Variants in EMP2 observed in about 807,000 individuals in gnomAD.
EMP2 encodes the protein epithelial membrane protein 2.
In EMP2, 19 loss-of-function variants were observed where a neutral mutation model predicts 13.7. The ratio of observed to expected loss-of-function variants is 1.38; its 90% confidence interval spans 0.97 to 2.03. The LOEUF (loss-of-function observed/expected upper bound fraction) is 2.03, where lower values mean the gene tolerates loss of function less well. Among genes scored for constraint, EMP2 ranks in the 30% most tolerant of loss-of-function variants. EMP2 has a pLI of 0.00. For missense variants in EMP2, 253 were observed against 220.7 expected, an observed-to-expected ratio of 1.15 and a Z score of -0.93; for synonymous variants, 97 against 84.7, an observed-to-expected ratio of 1.15 and a Z score of -0.80.
chr16:10,541,087 C>T (rs1467965058), intron 3 of EMP2, among the ~76,000 whole-genome samples: 1 of 144,604 alleles, frequency 6.9e-6, no homozygotes, highest in Non-Finnish European at 1.5e-5. Context: ...GACCCTGATT[C>T]AAACGGAAAA....
At chr16:10,552,663 C>G (rs1050403438) in intron 1 of EMP2, among the ~76,000 whole-genome samples, 1 of 152,120 alleles carries the variant, frequency 6.6e-6, no homozygotes, top group Admixed American at 6.5e-5. Context: ...GGAAGAAACA[C>G]CACGTATAGC....
Position 10,532,274 on chromosome 16 carries a change from T to C in EMP2, c.*631A>G, listed in dbSNP as rs895930557. ...CACGCAGGTTAAGGATGACCATTCC[T>C]AAGGCAAGCAGGTGACACTGTCGGC... On this transcript the variant is annotated 3_prime_UTR_variant, in exon 5 of 5. Transcript: ENST00000359543. 7 of 154,336 alleles carry C rather than the reference T, an allele frequency of 4.5e-5. No homozygotes were observed. Among genetic ancestry groups the C allele is most frequent in the African/African-American group, 1.7e-4 (7 of 41,458 alleles). 9.6% of individuals were successfully genotyped at this position (154,336 alleles called of 1,614,324 possible).
At chr16:10,575,035 G>A (rs953164238) in intron 1 of EMP2, among the ~76,000 whole-genome samples, 1 of 152,086 alleles carries the variant, frequency 6.6e-6, no homozygotes, top group African/African-American at 2.4e-5. Flanking sequence ...ACAGGTATGT[G>A]CCACCACATC....
intron 1 of EMP2, among the ~76,000 whole-genome samples, chr16:10,567,665 C>T (rs1261674970): frequency 1.3e-5 from 2 of 152,084 alleles, no homozygotes; most frequent in African/African-American, 4.8e-5. Context: ...CCCTAAGACC[C>T]CCTGAGGAAA....
intron 1 of EMP2, among the ~76,000 whole-genome samples, chr16:10,573,357 T>C (rs776681267): frequency 4.6e-5 from 7 of 152,198 alleles, no homozygotes; most frequent in Non-Finnish European, 1.0e-4. Flanking sequence ...TGGCCACGGT[T>C]AACCCCCATG....
At chr16:10,560,558 C>G (rs1247901892) in intron 1 of EMP2, among the ~76,000 whole-genome samples, 1 of 152,238 alleles carries the variant, frequency 6.6e-6, no homozygotes, top group African/African-American at 2.4e-5. Flanking sequence ...ATTTATTGAG[C>G]ACCTGCTATG....
chr16:10,575,237 C>CTTTTTTTGTTTT (rs2050975587), intron 1 of EMP2, among the ~76,000 whole-genome samples: 1 of 52,500 alleles, frequency 1.9e-5, no homozygotes, highest in Admixed American at 3.6e-4. Flanking sequence ...AGCTTGCATT[C>CTTTTTTTGTTTT]TTTTTTTTTT....
At chr16:10,573,984 C>A (rs556982056) in intron 1 of EMP2, among the ~76,000 whole-genome samples, 1 of 125,326 alleles carries the variant, frequency 8.0e-6, no homozygotes, top group South Asian at 2.7e-4. Context: ...GTCACCCAGG[C>A]TGGAGTGCAG....
chr16:10,534,399 C>G (rs567965609), intron 4 of EMP2, among the ~76,000 whole-genome samples: 86 of 152,186 alleles, frequency 5.7e-4, no homozygotes, highest in Non-Finnish European at 1.2e-3. Context: ...AAAATAGTAA[C>G]TATCTTTGTG....
intron 1 of EMP2, among the ~76,000 whole-genome samples, chr16:10,579,711 C>CACAT (rs1555461493): frequency 0.23 from 7,934 of 34,138 alleles, 687 homozygotes; most frequent in African/African-American, 0.39. Context: ...TCAAGGTGCA[C>CACAT]ACACACACAC....
chr16:10,559,599 C>T (rs572947876), intron 1 of EMP2, among the ~76,000 whole-genome samples: 6 of 152,380 alleles, frequency 3.9e-5, no homozygotes, highest in African/African-American at 1.4e-4. Context: ...GTCCCAGGCA[C>T]TGTTCCAAGC....
chr16:10,547,677 G>A lies in EMP2; in HGVS notation c.-60C>T, dbSNP rs895526826. 8.3e-5 allele frequency: 126 copies of A among 1,522,082 alleles called. No homozygotes were observed. Among genetic ancestry groups the A allele is most frequent in the Admixed American group, 1.9e-4 (11 of 57,116 alleles). 94.3% of individuals were successfully genotyped at this position (1,522,082 alleles called of 1,614,324 possible). On this transcript the variant is annotated splice_region_variant and 5_prime_UTR_variant, in exon 2 of 5. Transcript: ENST00000359543. ...ACGTTTAAAGCCCAGAGCGGGATGT[G>A]CTGAAGAGGGTAAGAAAGAGAAATT...
rs781680281 is a variant in EMP2, at chr16:10,532,992, G to A, written c.417C>T (p.Tyr139=). The change falls in exon 5 of 5, where the codon TAC becomes TAT. Residue 139 remains tyrosine, a synonymous_variant. Transcript: ENST00000359543. ...KFYPVTREGS[Y]GYSYILAWVA... ...CCCACGCCAGGATGTAGGAGTAGCC[G>A]TAGCTGCCTTCTCTGGTCACGGGAT... is the stretch of plus-strand genomic sequence containing the variant. The A allele has an allele frequency of 2.2e-5, 36 of 1,611,874 alleles. No individual in the cohort carries two copies. Among genetic ancestry groups the A allele is most frequent in the Admixed American group, 1.8e-4 (11 of 59,754 alleles).
Position 10,530,438 on chromosome 16 carries a change from C to T in EMP2, c.*2467G>A, listed in dbSNP as rs1344300596. On this transcript the variant is annotated 3_prime_UTR_variant, in exon 5 of 5. Transcript: ENST00000359543. ...TGGAACTGAGCTGATGGCAAACCAC[C>T]ACTCCACTCAGCAGAAGGTCAAGTG... 6.6e-6 allele frequency: 1 copy of T among 152,566 alleles called. No homozygotes were observed. The highest frequency in any genetic ancestry group is 1.5e-5 in the Non-Finnish European group (1 of 68,060). The allele number at this position is 152,566 out of a possible 1,614,324, so 9.5% of individuals were successfully genotyped here.
At chr16:10,574,081 G>C (rs1042324470) in intron 1 of EMP2, among the ~76,000 whole-genome samples, 1 of 151,786 alleles carries the variant, frequency 6.6e-6, no homozygotes, top group Non-Finnish European at 1.5e-5. Flanking sequence ...GGGATTACAG[G>C]TGCACACCAC....
chr16:10,546,649 C>T (rs987899079), intron 2 of EMP2: 33 of 152,062 alleles, frequency 2.2e-4, no homozygotes, highest in Admixed American at 2.0e-3. Context: ...GGCAGCGGTC[C>T]TCAACAGAGG....
intron 4 of EMP2, among the ~76,000 whole-genome samples, chr16:10,534,777 A>G (rs2050634624): frequency 6.6e-6 from 1 of 152,226 alleles, no homozygotes; most frequent in Non-Finnish European, 1.5e-5. Flanking sequence ...AAAAATAAAA[A>G]AAGAAATACT....
chr16:10,535,667 G>A (rs769807082), intron 4 of EMP2, among the ~76,000 whole-genome samples: 19 of 152,090 alleles, frequency 1.2e-4, no homozygotes, highest in Admixed American at 9.2e-4. Flanking sequence ...CCATGATCAC[G>A]CCACTGTACT....
chr16:10,538,497 C>T (rs951783260), intron 3 of EMP2, among the ~76,000 whole-genome samples: 2 of 152,144 alleles, frequency 1.3e-5, no homozygotes, highest in Non-Finnish European at 2.9e-5. Context: ...ACTCAGGGCT[C>T]ATGGGACTGT....
Sources: allele counts gnomAD v4.1 joint callset (sites outside exome capture counted in the v4.1 genomes callset), GRCh38; gene constraint gnomAD v4.1.1; transcripts MANE v1.5; gene names NCBI Gene and HGNC (gene_info 2026-07-23, HGNC 2026-07-21).